The following CNGB3 variants were observed in gnomAD, a reference collection of about 807,000 sequenced individuals.
The protein encoded by CNGB3 is cyclic nucleotide-gated channel beta-3.
Under a neutral mutation model 92.8 loss-of-function variants are expected in CNGB3, and 86 were observed. That is an observed-to-expected ratio of 0.93 (90% CI 0.78 to 1.11). CNGB3 has a LOEUF of 1.11. Ranked by LOEUF, CNGB3 falls within the 50% of genes least tolerant of loss-of-function variation. The pLI is 0.00. For missense variants in CNGB3, 1,026 were observed against 956.8 expected (o/e 1.07, Z -0.95); for synonymous variants, 333 against 332.7 (o/e 1.00, Z -0.01).
intron 3 of CNGB3, among the ~76,000 whole-genome samples, chr8:86,702,219 C>A (rs1368322690): frequency 6.6e-6 from 1 of 152,140 alleles, no homozygotes; most frequent in African/African-American, 2.4e-5. Context: ...GCTGCACAGA[C>A]AAATCTTGTT....
At chr8:86,718,444 T>C (rs1481977397) in intron 3 of CNGB3, among the ~76,000 whole-genome samples, 1 of 151,880 alleles carries the variant, frequency 6.6e-6, no homozygotes, top group Non-Finnish European at 1.5e-5. Flanking sequence ...CCTGGAAATA[T>C]ACAACCCTCC....
chr8:86,591,304 A>T (rs1409054307), intron 15 of CNGB3, among the ~76,000 whole-genome samples: 1 of 104,330 alleles, frequency 9.6e-6, no homozygotes, highest in Non-Finnish European at 2.0e-5. Flanking sequence ...CGTAGCTCAG[A>T]GTAATTTGAT....
chr8:86,727,849 T>C (rs1825088219), intron 2 of CNGB3, among the ~76,000 whole-genome samples: 1 of 152,088 alleles, frequency 6.6e-6, no homozygotes, highest in Admixed American at 6.6e-5. Context: ...AACCCAGTAT[T>C]GAAAATTTGG....
At chr8:86,671,379 A>C (rs1006476137) in intron 3 of CNGB3, among the ~76,000 whole-genome samples, 5 of 152,200 alleles carry the variant, frequency 3.3e-5, no homozygotes, top group African/African-American at 1.2e-4. Flanking sequence ...CACTAGGACA[A>C]GTAAAGCTAC....
Position 86,575,325 on chromosome 8 carries a change from TA to T in CNGB3, c.*478del, listed in dbSNP as rs2131528418. The T allele has an allele frequency of 6.5e-6, 1 of 152,686 alleles. No individual in the cohort carries two copies. Among genetic ancestry groups the T allele is most frequent in the African/African-American group, 2.4e-5 (1 of 41,570 alleles). The allele number at this position is 152,686 out of a possible 1,614,324, so 9.5% of individuals were successfully genotyped here. On this transcript the variant is annotated 3_prime_UTR_variant, in exon 18 of 18. Coordinates refer to ENST00000320005, the MANE Select transcript of CNGB3 (RefSeq NM_019098.5). ...CTCATCATCCTCATTTGAATGAAAA[TA>T]ATCTGATTTTTGACCTATTACATTA... is the stretch of plus-strand genomic sequence containing the variant.
intron 2 of CNGB3, among the ~76,000 whole-genome samples, chr8:86,737,340 C>T (rs534133152): frequency 6.6e-6 from 1 of 152,214 alleles, no homozygotes; most frequent in African/African-American, 2.4e-5. Context: ...ATATTATCCT[C>T]CCAAGTGGAC....
intron 9 of CNGB3, 46 bp downstream of exon 9, chr8:86,644,576 C>T: frequency 6.3e-7 from 1 of 1,590,660 alleles, no homozygotes; most frequent in Non-Finnish European, 8.6e-7. Flanking sequence ...AAATGTTGTA[C>T]CATTGCTTTT....
At chr8:86,614,314 A>C (rs11988618) in intron 13 of CNGB3, among the ~76,000 whole-genome samples, 1 of 152,054 alleles carries the variant, frequency 6.6e-6, no homozygotes, top group African/African-American at 2.4e-5. Context: ...CAGATATTCC[A>C]CAGTAACTAC....
chr8:86,618,713 A>G (rs145303324), intron 13 of CNGB3, among the ~76,000 whole-genome samples: 6 of 152,316 alleles, frequency 3.9e-5, no homozygotes, highest in Admixed American at 2.0e-4. Flanking sequence ...TTCTAATACC[A>G]TTAGGGTAAA....
At chr8:86,646,387 C>G (rs947232155) in intron 8 of CNGB3, among the ~76,000 whole-genome samples, 1 of 151,048 alleles carries the variant, frequency 6.6e-6, no homozygotes, top group Non-Finnish European at 1.5e-5. Flanking sequence ...CAGCCTGAGG[C>G]CTACCCAGTC....
intron 2 of CNGB3, among the ~76,000 whole-genome samples, chr8:86,737,857 T>C (rs147276254): frequency 1.3e-5 from 2 of 152,352 alleles, no homozygotes; most frequent in East Asian, 3.9e-4. Context: ...GTTAGTTTGC[T>C]TGGGATAGTG....
At chr8:86,738,198 T>C (rs562644012) in intron 2 of CNGB3, among the ~76,000 whole-genome samples, 1 of 65,526 alleles carries the variant, frequency 1.5e-5, no homozygotes, top group East Asian at 3.1e-4. Context: ...TTCCCTTTCA[T>C]TTTTGTATTT....
rs139397918 is a variant in CNGB3, at chr8:86,580,096, T to C, written c.1782-844A>G. On this transcript the variant is annotated intron_variant, in intron 15 of 17. Coordinates refer to ENST00000320005, the MANE Select transcript of CNGB3 (RefSeq NM_019098.5). ...AGGCAATTGGGAAGCAAGGCACATC[T>C]TATATGGCAGCAGGAAAGACAGAGA... is the stretch of plus-strand genomic sequence containing the variant. 5.0e-4 allele frequency among the ~76,000 whole-genome samples: 76 copies of C among 151,466 alleles called. 1 individual carries two copies. Among genetic ancestry groups the C allele is most frequent in the African/African-American group, 1.8e-3 (74 of 41,114 alleles).
chr8:86,610,917 T>G (rs142935277), intron 14 of CNGB3, among the ~76,000 whole-genome samples: 240 of 152,308 alleles, frequency 1.6e-3, no homozygotes, highest in African/African-American at 5.7e-3. Context: ...AAAATCATAT[T>G]GTAGATTACT....
At chr8:86,659,821 C>T (rs573484923) in intron 6 of CNGB3, 22 of 398,372 alleles carry the variant, frequency 5.5e-5, no homozygotes, top group South Asian at 4.5e-4. Context: ...TCCAGTTGAT[C>T]CAGAATTTCT....
intron 13 of CNGB3, among the ~76,000 whole-genome samples, chr8:86,617,281 C>T (rs1822639643): frequency 6.6e-6 from 1 of 152,160 alleles, no homozygotes; most frequent in Admixed American, 6.5e-5. Context: ...CATTTCTAGG[C>T]TCATTTCTGC....
At chr8:86,713,281 T>A (rs1824784601) in intron 3 of CNGB3, among the ~76,000 whole-genome samples, 1 of 152,190 alleles carries the variant, frequency 6.6e-6, no homozygotes, top group East Asian at 1.9e-4. Context: ...AAAATGGTTC[T>A]CCAGCCTAGA....
At chr8:86,608,337 G>T (rs1452420572) in intron 14 of CNGB3, among the ~76,000 whole-genome samples, 1 of 152,248 alleles carries the variant, frequency 6.6e-6, no homozygotes, top group South Asian at 2.1e-4. Flanking sequence ...GCCACCAGAA[G>T]GGCTCCTTGG....
rs748014051 is a variant in CNGB3 at position 86,666,952 on chromosome 8, G to A, written c.825C>T (p.Leu275=). 1 of 1,612,536 alleles carries A rather than the reference G, an allele frequency of 6.2e-7. No individual in the cohort carries two copies. The highest frequency in any genetic ancestry group is 8.5e-7 in the Non-Finnish European group (1 of 1,179,808). The change falls in exon 6 of 18, where the codon CTC becomes CTT. Residue 275 remains leucine (L), a synonymous_variant. Transcript: ENST00000320005. ...LYDMLFIQPR[L]QFVRGGDIIV... The stretch of plus-strand genomic sequence containing the variant: ...TTATGTCTCCTCCTCTTACAAACTG[G>A]AGTCTGGGCTGGATAAATAGCATAT...
Sources: allele counts gnomAD v4.1 joint callset (sites outside exome capture counted in the v4.1 genomes callset), GRCh38; gene constraint gnomAD v4.1.1; transcripts MANE v1.5; gene names NCBI Gene and HGNC (gene_info 2026-07-23, HGNC 2026-07-21).